The following SND1 variants were observed in gnomAD, a reference collection of about 807,000 sequenced individuals.
The protein encoded by SND1 is staphylococcal nuclease and tudor domain containing 1, also known as staphylococcal nuclease domain-containing protein 1.
Under a neutral mutation model 121.7 loss-of-function variants are expected in SND1, and 38 were observed. The observed-to-expected ratio is 0.31, with a 90% CI of 0.24 to 0.41. The LOEUF (loss-of-function observed/expected upper bound fraction) is 0.41. Ranked by LOEUF, SND1 falls within the 10% of genes least tolerant of loss-of-function variation. The pLI, the probability that SND1 is intolerant of heterozygous loss-of-function variation, is 1.00. For missense variants in SND1, 868 were observed against 1,184.6 expected (o/e 0.73, Z 3.92); for synonymous variants, 401 against 447.4 (o/e 0.90, Z 1.31).
At chr7:127,997,239 GC>G (rs1178314794) in intron 16 of SND1, among the ~76,000 whole-genome samples, 1 of 152,050 alleles carries the variant, frequency 6.6e-6, no homozygotes, top group Non-Finnish European at 1.5e-5. Flanking sequence ...TGCCAGTTTT[GC>G]TTTTAGAAGG....
At chr7:127,729,512 G>T (rs772378105) in intron 10 of SND1, among the ~76,000 whole-genome samples, 1 of 140,190 alleles carries the variant, frequency 7.1e-6, no homozygotes, top group Non-Finnish European at 1.5e-5. Context: ...CCAGTGCTTC[G>T]CATTTTTGCA....
At chr7:128,083,452 G>A (rs575611687) in intron 18 of SND1, among the ~76,000 whole-genome samples, 10 of 152,382 alleles carry the variant, frequency 6.6e-5, no homozygotes, top group Non-Finnish European at 1.0e-4. Flanking sequence ...GGCCTCTGTC[G>A]TGTGGATGCA....
chr7:127,945,352 A>C (rs1305619390), intron 15 of SND1, among the ~76,000 whole-genome samples: 1 of 152,240 alleles, frequency 6.6e-6, no homozygotes, highest in East Asian at 1.9e-4. Context: ...TTAGCCAGAC[A>C]TGGTGGCGGG....
intron 15 of SND1, among the ~76,000 whole-genome samples, chr7:127,967,604 C>T (rs1033768139): frequency 1.3e-5 from 2 of 152,162 alleles, no homozygotes; most frequent in African/African-American, 4.8e-5. Context: ...AGCACCCTAC[C>T]CTTGCTGGCT....
At chr7:128,090,263 C>A (rs1339390055) in intron 22 of SND1, among the ~76,000 whole-genome samples, 1 of 152,240 alleles carries the variant, frequency 6.6e-6, no homozygotes, top group East Asian at 1.9e-4. Context: ...TGCCTTGCCA[C>A]TTCTCAGGGC....
At position 127,768,137 on chromosome 7, in the gene SND1, G is replaced by T. The variant is rs916350754; in HGVS notation, c.1153-39347G>T. 2.6e-5 allele frequency among the ~76,000 whole-genome samples: 4 copies of T among 152,084 alleles called. No individual in the cohort carries two copies. In the East Asian group the frequency reaches 5.8e-4, roughly 22 times the overall value. On this transcript the variant is annotated intron_variant, in intron 10 of 23. Transcript: ENST00000354725. ...AGGTTGGTGGGGGTGAGCTGCCATG[G>T]TTATCTCTCACCACCTCATTAGCGG...
At chr7:127,884,429 G>A (rs1799854806) in intron 12 of SND1, among the ~76,000 whole-genome samples, 1 of 152,136 alleles carries the variant, frequency 6.6e-6, no homozygotes, top group South Asian at 2.1e-4. Context: ...ATCAATCACT[G>A]CTACTTCAGC....
rs190171278 is a variant in SND1, at chr7:127,931,037, G to A, written c.1669+1708G>A. On this transcript the variant is annotated intron_variant, in intron 15 of 23. Coordinates refer to ENST00000354725, the MANE Select transcript of SND1 (RefSeq NM_014390.4). ...GTTATTATTTCAATTGTTTCGGGTC[G>A]CCATGAACCACAGTCATATAAGATG... is the stretch of plus-strand genomic sequence containing the variant. 4.6e-5 allele frequency among the ~76,000 whole-genome samples: 7 copies of A among 152,102 alleles called. No individual in the cohort carries two copies. In the South Asian group the frequency reaches 6.3e-4, roughly 14 times the overall value.
In SND1 at chr7:127,816,007, C is replaced by T. The variant is rs76431640; in HGVS notation, c.1242+8434C>T. On this transcript the variant is annotated intron_variant, in intron 11 of 23. Coordinates refer to ENST00000354725, the MANE Select transcript of SND1 (RefSeq NM_014390.4). The stretch of plus-strand genomic sequence containing the variant: ...CTCCTCCTGGGTGGTAATGCCTTCC[C>T]TCCTGCAGACCAGCTGACAGTTGGT... Among the ~76,000 whole-genome samples the T allele has an allele frequency of 3.5e-4, 53 of 152,244 alleles. 1 individual carries two copies. In the East Asian group the frequency reaches 8.9e-3, roughly 26 times the overall value.
At chr7:127,830,291 G>A (rs1270492252) in intron 11 of SND1, among the ~76,000 whole-genome samples, 1 of 152,086 alleles carries the variant, frequency 6.6e-6, no homozygotes, top group Non-Finnish European at 1.5e-5. Context: ...GCTGAGACAG[G>A]AGAATTGCCT....
intron 1 of SND1, among the ~76,000 whole-genome samples, chr7:127,664,519 C>A (rs1195523743): frequency 1.3e-5 from 2 of 152,168 alleles, no homozygotes; most frequent in South Asian, 4.1e-4. Flanking sequence ...ACTCCACCCC[C>A]CATATATTAC....
chr7:127,838,842 G>A (rs925357538), intron 11 of SND1, among the ~76,000 whole-genome samples: 12 of 152,134 alleles, frequency 7.9e-5, no homozygotes, highest in Middle Eastern at 3.2e-3. Context: ...TACTTATTTA[G>A]CATTTAACTC....
chr7:127,818,755 G>A (rs1242004365), intron 11 of SND1, among the ~76,000 whole-genome samples: 3 of 152,088 alleles, frequency 2.0e-5, no homozygotes, highest in Non-Finnish European at 4.4e-5. Flanking sequence ...CACCAGGCTC[G>A]GTTTCCACCA....
At chr7:127,797,483 T>C (rs569531998) in intron 10 of SND1, among the ~76,000 whole-genome samples, 38 of 152,236 alleles carry the variant, frequency 2.5e-4, no homozygotes, top group Non-Finnish European at 5.1e-4. Flanking sequence ...GTCCTCACTG[T>C]TCCTCTAGGA....
chr7:127,764,687 G>C (rs1160033190), intron 10 of SND1, among the ~76,000 whole-genome samples: 1 of 152,198 alleles, frequency 6.6e-6, no homozygotes, highest in Non-Finnish European at 1.5e-5. Context: ...GCATTTCTGT[G>C]TCAAAGTAAA....
At position 128,076,298 on chromosome 7, in the gene SND1, G is replaced by T. The variant is rs558524288; in HGVS notation, c.1968+1608G>T. Among the ~76,000 whole-genome samples the T allele has an allele frequency of 3.9e-5, 6 of 152,324 alleles. No individual in the cohort carries two copies. The South Asian group carries it at 1.2e-3, about 32-fold the overall frequency. ...CTGAAAGAGCCCAAGTCACCATTTT[G>T]CTGGTGCCACTTGATGACGCTGAGG... is the stretch of plus-strand genomic sequence containing the variant. On this transcript the variant is annotated intron_variant, in intron 17 of 23. Coordinates refer to ENST00000354725, the MANE Select transcript of SND1 (RefSeq NM_014390.4).
At chr7:127,742,380 T>C (rs754117335) in intron 10 of SND1, among the ~76,000 whole-genome samples, 6 of 152,184 alleles carry the variant, frequency 3.9e-5, no homozygotes, top group Non-Finnish European at 5.9e-5. Context: ...TGAGGGTCAC[T>C]AGAGATAGTA....
At chr7:127,741,049 T>C (rs754045585) in intron 10 of SND1, among the ~76,000 whole-genome samples, 24 of 152,226 alleles carry the variant, frequency 1.6e-4, no homozygotes, top group Non-Finnish European at 3.1e-4. Flanking sequence ...AAAAGGTTTA[T>C]TACTTCTCTG....
chr7:127,865,891 A>G (rs555200603), intron 12 of SND1, among the ~76,000 whole-genome samples: 69 of 148,250 alleles, frequency 4.7e-4, no homozygotes, highest in Non-Finnish European at 8.5e-4. Flanking sequence ...TTGTATGCTG[A>G]TGATTATCAA....
Sources: gnomAD v4.1 joint callset for allele counts (sites outside exome capture counted in the v4.1 genomes callset) on GRCh38, gnomAD v4.1.1 for gene constraint, MANE v1.5 for transcripts, NCBI Gene and HGNC (gene_info 2026-07-23, HGNC 2026-07-21) for gene names.